The following ZNF713 variants were observed in gnomAD, a reference collection of about 807,000 sequenced individuals.
The protein encoded by ZNF713 is zinc finger protein 713.
Under a neutral mutation model 28.7 loss-of-function variants are expected in ZNF713, and 21 were observed. The ratio of observed to expected loss-of-function variants is 0.73; its 90% CI spans 0.52 to 1.05. ZNF713 has a LOEUF of 1.05. Ranked by LOEUF, ZNF713 falls within the 50% of genes least tolerant of loss-of-function variation. The pLI is 0.00. For synonymous variants in ZNF713, 167 were observed against 178.0 expected (o/e 0.94, Z 0.49); for missense variants, 458 against 532.4 (o/e 0.86, Z 1.37).
Position 55,912,839 on chromosome 7 carries a change from G to A in ZNF713, c.87+116G>A, listed in dbSNP as rs1439498988. ...AAAATCCAGAGCCCAGGAGATTCAT[G>A]TGACAGATGATATACTCTCCACAGC... is the stretch of plus-strand genomic sequence containing the variant. On this transcript the variant is annotated intron_variant, in intron 4 of 6. Coordinates refer to ENST00000429591, the MANE Select transcript of ZNF713 (RefSeq NM_182633.3). The A allele has an allele frequency of 1.4e-5, 11 of 765,390 alleles. No homozygotes were observed. The East Asian group carries it at 2.4e-4, about 17-fold the overall frequency. The allele number at this position is 765,390 out of a possible 1,614,324, so 47.4% of individuals were successfully genotyped here. A position where few individuals can be genotyped will look rare whatever the true frequency, so the allele number is the denominator to read the frequency against.
In ZNF713 at chr7:55,912,593, C is replaced by T. The variant is rs758010326; in HGVS notation, c.-2-42C>T. On this transcript the variant is annotated intron_variant, in intron 3 of 6. Transcript: ENST00000429591. ...CAGAATCTCCAGGATTTAAATTTAA[C>T]CTTCGTGTCATATATTAACAAGATG... 6.3e-6 allele frequency: 9 copies of T among 1,420,138 alleles called. No homozygotes were observed. The South Asian group carries it at 9.7e-5, about 15-fold the overall frequency. The allele number at this position is 1,420,138 out of a possible 1,614,324, so 88.0% of individuals were successfully genotyped here.
intron 4 of ZNF713, among the ~76,000 whole-genome samples, chr7:55,920,976 T>A (rs1785980930): frequency 6.6e-6 from 1 of 152,102 alleles, no homozygotes; most frequent in African/African-American, 2.4e-5. Flanking sequence ...GAAGACAGGC[T>A]GACTTCTTTT....
At chr7:55,900,405 T>C (rs1412478475) in intron 1 of ZNF713, among the ~76,000 whole-genome samples, 1 of 151,980 alleles carries the variant, frequency 6.6e-6, no homozygotes, top group Non-Finnish European at 1.5e-5. Context: ...GAGGTGGAAG[T>C]TGCAGTGAGC....
chr7:55,907,537 T>C (rs1416218998), intron 2 of ZNF713, among the ~76,000 whole-genome samples: 4 of 152,194 alleles, frequency 2.6e-5, no homozygotes, highest in Non-Finnish European at 4.4e-5. Context: ...GTGGTCTGGG[T>C]TTCTGATGTA....
At chr7:55,901,391 C>T (rs183462199) in intron 1 of ZNF713, among the ~76,000 whole-genome samples, 1 of 152,214 alleles carries the variant, frequency 6.6e-6, no homozygotes, top group South Asian at 2.1e-4. Flanking sequence ...TGGGTCCCTC[C>T]CACAACATGT....
rs1348623679 is a variant in ZNF713 at position 55,908,947 on chromosome 7, G to T, written c.-456+2568G>T. 2.6e-5 allele frequency among the ~76,000 whole-genome samples: 4 copies of T among 152,012 alleles called. No individual in the cohort carries two copies. In the South Asian group the frequency reaches 8.3e-4, roughly 31 times the overall value. Reference sequence around the variant, plus strand: ...GTCCAGGCCGGGTGCGGTGGCTCATGCCTGTAATCCTAGCACTTTGGGAGG... The same window carrying T: ...GTCCAGGCCGGGTGCGGTGGCTCATTCCTGTAATCCTAGCACTTTGGGAGG... On this transcript the variant is annotated intron_variant, in intron 2 of 6. Transcript: ENST00000429591.
At chr7:55,923,957 C>G (rs1386979735) in intron 6 of ZNF713, 2 of 264,802 alleles carry the variant, frequency 7.6e-6, no homozygotes, top group African/African-American at 4.3e-5. Flanking sequence ...CATTTAAACA[C>G]CCATAAATAT....
chr7:55,887,939 C>CGG (rs1785308657), intron 1 of ZNF713, among the ~76,000 whole-genome samples: 2 of 140,274 alleles, frequency 1.4e-5, no homozygotes, highest in South Asian at 2.2e-4. Context: ...GGCCGCTGTC[C>CGG]CCGCTGTCCC....
In ZNF713 at chr7:55,939,076, A is replaced by C; in HGVS notation, c.402A>C (p.Ala134=). Residue 134 remains alanine (A), a synonymous_variant, in exon 7 of 7, where the codon GCA becomes GCC. Transcript: ENST00000429591. ...QTHEMIMERL[A]GDSFWYSILG... The stretch of plus-strand genomic sequence containing the variant: ...ATGAGATGATAATGGAGAGACTCGC[A>C]GGAGACAGCTTCTGGTACTCCATCC... 1 of 1,614,100 alleles carries C rather than the reference A, an allele frequency of 6.2e-7. No individual in the cohort carries two copies. The highest frequency in any genetic ancestry group is 8.5e-7 in the Non-Finnish European group (1 of 1,179,986).
intron 6 of ZNF713, among the ~76,000 whole-genome samples, chr7:55,936,255 ACT>A (rs1170155966): frequency 2.0e-5 from 2 of 102,156 alleles, no homozygotes; most frequent in East Asian, 3.2e-4. Flanking sequence ...ACAGAATGAG[ACT>A]CTGTCCCAAA....
intron 1 of ZNF713, among the ~76,000 whole-genome samples, chr7:55,903,087 G>A (rs1785607740): frequency 6.6e-6 from 1 of 151,740 alleles, no homozygotes; most frequent in South Asian, 2.1e-4. Context: ...CAAGTAGAGT[G>A]AGTGGTATAC....
chr7:55,923,128 T>G (rs1786024645), intron 4 of ZNF713, 34 bp from the exon 5 acceptor site: 1 of 1,586,798 alleles, frequency 6.3e-7, no homozygotes, highest in South Asian at 1.2e-5. Flanking sequence ...TAAGAACCGT[T>G]TTTGCCTGAG....
chr7:55,903,582 G>C (rs987054773), intron 1 of ZNF713, among the ~76,000 whole-genome samples: 6 of 150,680 alleles, frequency 4.0e-5, no homozygotes, highest in Non-Finnish European at 1.5e-5. Context: ...CGGGAGAATC[G>C]CTTGAACCTA....
chr7:55,896,467 C>T (rs1785473350), intron 1 of ZNF713, among the ~76,000 whole-genome samples: 1 of 151,578 alleles, frequency 6.6e-6, no homozygotes, highest in African/African-American at 2.4e-5. Flanking sequence ...ATAAGAGCCA[C>T]CAATTTTTTA....
At chr7:55,890,471 AC>A (rs1785362190) in intron 1 of ZNF713, among the ~76,000 whole-genome samples, 1 of 150,560 alleles carries the variant, frequency 6.6e-6, no homozygotes, top group Non-Finnish European at 1.5e-5. Flanking sequence ...AAAAAAAATG[AC>A]AACCTTTAAG....
intron 1 of ZNF713, among the ~76,000 whole-genome samples, chr7:55,892,194 C>T (rs1388738503): frequency 2.8e-5 from 4 of 143,352 alleles, no homozygotes; most frequent in East Asian, 2.2e-4. Context: ...TGGAGAATGG[C>T]GTGAACCCGG....
In ZNF713 at chr7:55,940,878, C is replaced by T. The variant is rs56878951; in HGVS notation, c.*872C>T. On this transcript the variant is annotated 3_prime_UTR_variant, in exon 7 of 7. Coordinates refer to ENST00000429591, the MANE Select transcript of ZNF713 (RefSeq NM_182633.3). ...CCACCCAGGCTGGAGTGCAATGGCGCGATCTCGGCTCACAGCAACCTCCAC... is the reference window on the plus strand; with the variant it reads ...CCACCCAGGCTGGAGTGCAATGGCGTGATCTCGGCTCACAGCAACCTCCAC... 148 of 134,340 alleles carry T rather than the reference C, an allele frequency of 1.1e-3. 1 individual carries two copies. The highest frequency in any genetic ancestry group is 6.7e-4 in the Non-Finnish European group (43 of 64,630). 8.3% of individuals were successfully genotyped at this position (134,340 alleles called of 1,614,324 possible).
chr7:55,934,822 G>C lies in ZNF713; in HGVS notation c.308-4160G>C, dbSNP rs537882692. 6.6e-5 allele frequency among the ~76,000 whole-genome samples: 10 copies of C among 151,552 alleles called. No homozygotes were observed. The South Asian group carries it at 2.1e-3, about 32-fold the overall frequency. On this transcript the variant is annotated intron_variant, in intron 6 of 6. Coordinates refer to ENST00000429591, the MANE Select transcript of ZNF713 (RefSeq NM_182633.3). The stretch of plus-strand genomic sequence containing the variant: ...GCCCAGCCATGGTAGAGCCTTTTAA[G>C]AGAACAATTTGACAGAATTTATCAA...
At chr7:55,935,424 G>A (rs990475397) in intron 6 of ZNF713, among the ~76,000 whole-genome samples, 6 of 151,768 alleles carry the variant, frequency 4.0e-5, no homozygotes. Flanking sequence ...AATTACATGG[G>A]CAATACATAC....
Sources: gnomAD v4.1 joint callset for allele counts (sites outside exome capture counted in the v4.1 genomes callset) on GRCh38, gnomAD v4.1.1 for gene constraint, MANE v1.5 for transcripts, NCBI Gene and HGNC (gene_info 2026-07-23, HGNC 2026-07-21) for gene names.